The following PGC variants were observed in gnomAD, a reference collection of about 807,000 sequenced individuals.
The protein encoded by PGC is progastricsin, also known as gastricsin.
Under a neutral mutation model 45.9 loss-of-function variants are expected in PGC, and 31 were observed. The observed-to-expected ratio is 0.67, with a 90% CI of 0.51 to 0.91. PGC has a LOEUF of 0.91. Among genes scored for constraint, PGC ranks in the 40% least tolerant of loss-of-function variants. PGC has a pLI of 0.00. For synonymous variants in PGC, 192 were observed against 201.8 expected (o/e 0.95, Z 0.41); for missense variants, 477 against 493.2 (o/e 0.97, Z 0.31).
In PGC at chr6:41,739,820, G is replaced by A. The variant is rs774932567; in HGVS notation, c.894C>T (p.Ala298=). ...ACACCTGTCCATACTCATCCTCCTGGGCCCCTGTGGCCTGCAGAAGAGCAC... is the reference window on the plus strand; with the variant it reads ...ACACCTGTCCATACTCATCCTCCTGAGCCCCTGTGGCCTGCAGAAGAGCAC... ...YMSALLQATG[A]QEDEYGQFLV... Residue 298 remains alanine (A), a synonymous_variant, in exon 7 of 9, where the codon GCC becomes GCT. Transcript: ENST00000373025. The A allele has an allele frequency of 8.6e-5, 138 of 1,613,706 alleles. No homozygotes were observed. The highest frequency in any genetic ancestry group is 1.2e-4 in the Non-Finnish European group (138 of 1,179,844).
intron 3 of PGC, among the ~76,000 whole-genome samples, chr6:41,743,684 C>T (rs1041972923): frequency 4.6e-5 from 7 of 152,164 alleles, no homozygotes; most frequent in African/African-American, 1.4e-4. Context: ...CAGCAAAGCA[C>T]GTGGCTCACA....
chr6:41,742,211 A>G (rs769630238), intron 5 of PGC, 79 bp downstream of exon 5: 4 of 1,319,532 alleles, frequency 3.0e-6, no homozygotes, highest in Non-Finnish European at 4.3e-6. Flanking sequence ...ACCCCAAAGC[A>G]TTGAGCACTG....
chr6:41,744,369 A>AC lies in PGC; in HGVS notation c.328+27dup, dbSNP rs1771887180. 7 of 1,520,284 alleles carry AC rather than the reference A, an allele frequency of 4.6e-6. No individual in the cohort carries two copies. The highest frequency in any genetic ancestry group is 5.4e-6 in the Non-Finnish European group (6 of 1,103,948). 94.2% of individuals were successfully genotyped at this position (1,520,284 alleles called of 1,614,324 possible). On this transcript the variant is annotated intron_variant, in intron 3 of 8. Coordinates refer to ENST00000373025, the MANE Select transcript of PGC (RefSeq NM_002630.4). This position sits in a 1 kb window ranked among gnomAD's most constrained non-coding sequence, Gnocchi z 4.4. Reference sequence around the variant, plus strand: ...GTATCAGTGCCTTGCCCTGCCAACCACCCCTCTCTGCCCAGCCCAGCACTC... The same window carrying AC: ...GTATCAGTGCCTTGCCCTGCCAACCACCCCCTCTCTGCCCAGCCCAGCACTC...
In PGC at chr6:41,744,554, C is replaced by T; in HGVS notation, c.211-40G>A. The T allele has an allele frequency of 1.9e-6, 3 of 1,588,364 alleles. No individual in the cohort carries two copies. Among genetic ancestry groups the T allele is most frequent in the Non-Finnish European group, 2.6e-6 (3 of 1,160,526 alleles). ...GCAAGCTGTTAGTTCCAGAGGGATCCAGGGGCCCCAGGCTCCTCCATGGGC... is the reference window on the plus strand; with the variant it reads ...GCAAGCTGTTAGTTCCAGAGGGATCTAGGGGCCCCAGGCTCCTCCATGGGC... On this transcript the variant is annotated intron_variant, in intron 2 of 8. Transcript: ENST00000373025. This position sits in a 1 kb window ranked among gnomAD's most constrained non-coding sequence, Gnocchi z 4.4.
At chr6:41,741,947 C>A in intron 5 of PGC, 1 of 884,980 alleles carries the variant, frequency 1.1e-6, no homozygotes. Flanking sequence ...CTGCCCCACC[C>A]GCTTCTCCAC....
rs7747208 is a variant in PGC at position 41,744,995 on chromosome 6, C to G, written c.60-187G>C. On this transcript the variant is annotated intron_variant, in intron 1 of 8. Coordinates refer to ENST00000373025, the MANE Select transcript of PGC (RefSeq NM_002630.4). This position sits in a 1 kb window ranked among gnomAD's most constrained non-coding sequence, Gnocchi z 4.4. ...TCTCTGTCTCTGTCTGTCTGTCTCT[C>G]TGTGTGTGTGTGTGTGTGTGCGCGC... is the stretch of plus-strand genomic sequence containing the variant. Among the ~76,000 whole-genome samples the G allele has an allele frequency of 0.38, 43,190 of 114,176 alleles. 6,544 individuals carry two copies. The highest frequency in any genetic ancestry group is 0.44 in the Middle Eastern group (116 of 266). 74.9% of individuals were successfully genotyped at this position (114,176 alleles called of 152,430 possible). A position where few individuals can be genotyped will look rare whatever the true frequency, so the allele number is the denominator to read the frequency against.
intron 1 of PGC, among the ~76,000 whole-genome samples, chr6:41,746,949 TC>T (rs1336381332): frequency 6.6e-6 from 1 of 152,206 alleles, no homozygotes; most frequent in Non-Finnish European, 1.5e-5. Context: ...AAAGGATTGC[TC>T]CCTTCTGTGA....
Position 41,744,503 on chromosome 6 carries a change from A to G in PGC, c.222T>C (p.Phe74=). The change falls in exon 3 of 9, where the codon TTT becomes TTC. Residue 74 remains phenylalanine, a synonymous_variant. Coordinates refer to ENST00000373025, the MANE Select transcript of PGC (RefSeq NM_002630.4). The surrounding 1 kb of genome is among the most constrained non-coding windows in gnomAD (Gnocchi z 4.4). ...EPMAYMDAAY[F]GEISIGTPPQ... is the part of the protein sequence containing the mutation. ...GTGGAGTCCCGATGCTGATCTCACC[A>G]AAGTAGGCAGCCTGGGGGCCATGGA... is the stretch of plus-strand genomic sequence containing the variant. The G allele has an allele frequency of 6.2e-7, 1 of 1,613,000 alleles. No individual in the cohort carries two copies. Among genetic ancestry groups the G allele is most frequent in the South Asian group, 1.1e-5 (1 of 91,044 alleles).
intron 5 of PGC, chr6:41,741,309 A>G: frequency 8.2e-7 from 1 of 1,213,454 alleles, no homozygotes; most frequent in Admixed American, 3.0e-5. Flanking sequence ...CTTGAACTTC[A>G]GATTCCCCAG....
At position 41,736,882 on chromosome 6, in the gene PGC, G is replaced by T; in HGVS notation, c.1137C>A (p.Asn379Lys). 1 of 1,614,190 alleles carries T rather than the reference G, an allele frequency of 6.2e-7. No individual in the cohort carries two copies. Among genetic ancestry groups the T allele is most frequent in the Non-Finnish European group, 8.5e-7 (1 of 1,180,024 alleles). The change falls in exon 9 of 9, where the codon AAC becomes AAA. Residue 379 changes from asparagine (N) to lysine (K), a missense_variant. Transcript: ENST00000373025. ...CGGCAGTGGCAAAGCCTACTCTGTT[G>T]TTGCCCAAGTCGTAGACGGAATAGT... ...RSYYSVYDLG[N>K]NRVGFATAA
At chr6:41,742,223 G>T in intron 5 of PGC, 67 bp downstream of exon 5, 1 of 1,415,946 alleles carries the variant, frequency 7.1e-7, no homozygotes, top group Non-Finnish European at 9.9e-7. Flanking sequence ...TGAGCACTGA[G>T]CCTCAGTCGT....
Position 41,744,356 on chromosome 6 carries a change from T to G in PGC, c.328+41A>C, listed in dbSNP as rs1771886776. On this transcript the variant is annotated intron_variant, in intron 3 of 8. Transcript: ENST00000373025. This position sits in a 1 kb window ranked among gnomAD's most constrained non-coding sequence, Gnocchi z 4.4. ...CCCTCCCCAGAGGGTATCAGTGCCT[T>G]GCCCTGCCAACCACCCCTCTCTGCC... 3 of 1,442,078 alleles carry G rather than the reference T, an allele frequency of 2.1e-6. No individual in the cohort carries two copies. Among genetic ancestry groups the G allele is most frequent in the African/African-American group, 1.4e-5 (1 of 71,182 alleles). 89.3% of individuals were successfully genotyped at this position (1,442,078 alleles called of 1,614,324 possible). A position where few individuals can be genotyped will look rare whatever the true frequency, so the allele number is the denominator to read the frequency against.
intron 1 of PGC, among the ~76,000 whole-genome samples, chr6:41,746,444 C>T (rs946247677): frequency 2.6e-5 from 4 of 152,202 alleles, no homozygotes; most frequent in Non-Finnish European, 4.4e-5. Flanking sequence ...TATAAATCAC[C>T]GTTTCTGTCC....
At chr6:41,740,651 G>A (rs780937364) in intron 5 of PGC, 41 bp from the exon 6 acceptor site, 2 of 1,556,884 alleles carry the variant, frequency 1.3e-6, no homozygotes, top group Non-Finnish European at 1.7e-6. Flanking sequence ...GGAGTGCCAT[G>A]GAAAAGGACT....
intron 7 of PGC, among the ~76,000 whole-genome samples, 198 bp downstream of exon 7, chr6:41,739,601 T>C (rs1771784883): frequency 6.6e-6 from 1 of 152,194 alleles, no homozygotes; most frequent in South Asian, 2.1e-4. Flanking sequence ...GTATTTCTTG[T>C]AGAGACAGAG....
Position 41,736,925 on chromosome 6 carries a change from T to C in PGC, c.1094A>G (p.Asp365Gly). 1 of 1,613,936 alleles carries C rather than the reference T, an allele frequency of 6.2e-7. No individual in the cohort carries two copies. Among genetic ancestry groups the C allele is most frequent in the East Asian group, 2.2e-5 (1 of 44,872 alleles). Reference sequence around the variant, plus strand: ...GGAATAGTAGGACCTGAGGAAGACATCCCCGAGGATCCACAGGGGCTGGCC... The same window carrying C: ...GGAATAGTAGGACCTGAGGAAGACACCCCCGAGGATCCACAGGGGCTGGCC... ...QNGQPLWILG[D>G]VFLRSYYSVY... Residue 365 changes from aspartate (D) to glycine (G), a missense_variant, in exon 9 of 9, where the codon GAT becomes GGT. Physicochemically the swap from Asp to Gly is moderately conservative, Grantham distance 94. Coordinates refer to ENST00000373025, the MANE Select transcript of PGC (RefSeq NM_002630.4).
intron 5 of PGC, 57 bp downstream of exon 5, chr6:41,742,233 T>C: frequency 2.0e-6 from 3 of 1,512,786 alleles, no homozygotes; most frequent in Non-Finnish European, 2.7e-6. Context: ...GCCTCAGTCG[T>C]CCAGGGCGGC....
chr6:41,741,514 C>T (rs550889792), intron 5 of PGC, among the ~76,000 whole-genome samples: 5 of 152,258 alleles, frequency 3.3e-5, no homozygotes, highest in South Asian at 4.1e-4. Flanking sequence ...AACACAGTGG[C>T]GCATGCCTGT....
intron 7 of PGC, among the ~76,000 whole-genome samples, chr6:41,738,253 T>TATATATATGCATATATATATGC (rs1561880063): frequency 7.7e-5 from 1 of 13,048 alleles, no homozygotes. Flanking sequence ...TATATATGCA[T>TATATATATGCATATATATATGC]ATATATATAT....
Sources: allele counts gnomAD v4.1 joint callset (sites outside exome capture counted in the v4.1 genomes callset), GRCh38; gene constraint gnomAD v4.1.1; non-coding constraint Gnocchi (gnomAD v3.1); transcripts MANE v1.5; gene names NCBI Gene and HGNC (gene_info 2026-07-23, HGNC 2026-07-21).